Variants in AGMO observed in about 807,000 individuals in gnomAD.
AGMO encodes the protein alkylglycerol monooxygenase, also known as glyceryl-ether monooxygenase.
In AGMO, 75 loss-of-function variants were observed where a neutral mutation model predicts 60.2. The observed-to-expected ratio is 1.25, with a 90% CI of 1.03 to 1.51. AGMO has a LOEUF of 1.51. Among genes scored for constraint, AGMO ranks in the 40% most tolerant of loss-of-function variants. The probability of loss-of-function intolerance (pLI) is 0.00; values close to 1 mark genes in which losing one functional copy is unlikely to be tolerated. For synonymous variants in AGMO, 261 were observed against 177.1 expected, an observed-to-expected ratio of 1.47 and a Z score of -3.76; for missense variants, 763 against 525.5, an observed-to-expected ratio of 1.45 and a Z score of -4.42.
At chr7:15,241,316 C>T (rs1045588068) in intron 12 of AGMO, among the ~76,000 whole-genome samples, 9 of 150,976 alleles carry the variant, frequency 6.0e-5, no homozygotes, top group African/African-American at 9.7e-5. Context: ...AAAAATTAGC[C>T]GGGCGTGGTG....
the AGMO span, among the ~76,000 whole-genome samples, chr7:15,132,710 G>C: frequency 1.3e-5 from 2 of 152,320 alleles, no homozygotes; most frequent in East Asian, 1.9e-4. Flanking sequence ...GCTGAAAATA[G>C]AATGTGAATC....
At chr7:15,367,088 C>T (rs1169784064) in intron 10 of AGMO, among the ~76,000 whole-genome samples, 4 of 151,856 alleles carry the variant, frequency 2.6e-5, no homozygotes, top group Non-Finnish European at 4.4e-5. Flanking sequence ...GAAAAATGAA[C>T]CATTTACAGT....
chr7:15,353,472 G>C (rs945731307), intron 12 of AGMO, among the ~76,000 whole-genome samples: 6 of 152,034 alleles, frequency 3.9e-5, no homozygotes, highest in African/African-American at 1.2e-4. Flanking sequence ...ATCTACTCTT[G>C]GGGGGAATCC....
At chr7:15,491,994 AAGAT>A (rs1340181747) in intron 3 of AGMO, among the ~76,000 whole-genome samples, 1 of 152,184 alleles carries the variant, frequency 6.6e-6, no homozygotes, top group African/African-American at 2.4e-5. Context: ...TTGAAAGTAA[AAGAT>A]AGTGAAAGCC....
intron 3 of AGMO, among the ~76,000 whole-genome samples, chr7:15,508,193 G>T (rs1239439849): frequency 6.6e-6 from 1 of 152,040 alleles, no homozygotes; most frequent in Non-Finnish European, 1.5e-5. Flanking sequence ...AATGAATATT[G>T]TTTAAAATAA....
intron 3 of AGMO, among the ~76,000 whole-genome samples, chr7:15,474,385 G>A (rs944338196): frequency 6.6e-6 from 1 of 152,090 alleles, no homozygotes; most frequent in Non-Finnish European, 1.5e-5. Context: ...AGAGGCCTCA[G>A]AAATAACACC....
At chr7:15,337,041 T>C (rs1781687114) in intron 12 of AGMO, among the ~76,000 whole-genome samples, 1 of 152,324 alleles carries the variant, frequency 6.6e-6, no homozygotes, top group East Asian at 1.9e-4. Flanking sequence ...AATATCATCA[T>C]ATGCCATCAA....
chr7:15,543,674 G>C (rs1399293873), intron 3 of AGMO, among the ~76,000 whole-genome samples: 2 of 151,932 alleles, frequency 1.3e-5, no homozygotes, highest in Non-Finnish European at 2.9e-5. Flanking sequence ...ACTCTATCAA[G>C]CATATCATAA....
intron 12 of AGMO, among the ~76,000 whole-genome samples, chr7:15,218,327 A>ATGTATGTGTG (rs1554396501): frequency 2.1e-5 from 3 of 143,930 alleles, no homozygotes; most frequent in Non-Finnish European, 3.0e-5. Flanking sequence ...TGGTGTGTGT[A>ATGTATGTGTG]TGTGTGTGTG....
intron 12 of AGMO, among the ~76,000 whole-genome samples, chr7:15,236,668 A>T (rs1377442009): frequency 6.6e-6 from 1 of 152,132 alleles, no homozygotes; most frequent in East Asian, 1.9e-4. Context: ...GATGAGTAAG[A>T]TATATGTTGA....
rs1371014329 is a variant in AGMO at position 15,394,145 on chromosome 7, A to C, written c.644T>G (p.Leu215Arg). The C allele has an allele frequency of 1.9e-6, 3 of 1,612,546 alleles. No homozygotes were observed. The highest frequency in any genetic ancestry group is 2.5e-6 in the Non-Finnish European group (3 of 1,178,870). Residue 215 changes from leucine to arginine, a missense_variant, in exon 6 of 13, where the codon CTT becomes CGT. Transcript: ENST00000342526. ...INNLGPLELILNTPSHHRVHH... is the reference protein window; with the variant it reads ...INNLGPLELIRNTPSHHRVHH... Reference sequence around the variant, plus strand: ...AACCCTATGATGGCTAGGAGTATTAAGAATCAGTTCCAAAGGACCAAGGTT... The same window carrying C: ...AACCCTATGATGGCTAGGAGTATTACGAATCAGTTCCAAAGGACCAAGGTT...
At chr7:15,250,967 T>C (rs1782916373) in intron 12 of AGMO, among the ~76,000 whole-genome samples, 1 of 151,820 alleles carries the variant, frequency 6.6e-6, no homozygotes, top group African/African-American at 2.4e-5. Context: ...TATATATATA[T>C]ACCTGAATGT....
intron 3 of AGMO, among the ~76,000 whole-genome samples, chr7:15,511,467 G>C (rs563482653): frequency 1.3e-5 from 2 of 152,210 alleles, no homozygotes; most frequent in South Asian, 4.1e-4. Context: ...AGGATAGAGT[G>C]GTGGTTATTA....
chr7:15,210,939 T>A (rs1178637523), intron 12 of AGMO, among the ~76,000 whole-genome samples: 1 of 152,038 alleles, frequency 6.6e-6, no homozygotes, highest in Non-Finnish European at 1.5e-5. Flanking sequence ...ATTCAAAAAC[T>A]TAAAGCTATT....
intron 12 of AGMO, chr7:15,306,344 C>A: frequency 7.9e-6 from 2 of 252,010 alleles, no homozygotes; most frequent in South Asian, 3.8e-5. Flanking sequence ...TCCAGGGTAA[C>A]TTCATTCATG....
chr7:15,236,219 C>T (rs1377347191), intron 12 of AGMO, among the ~76,000 whole-genome samples: 1 of 152,020 alleles, frequency 6.6e-6, no homozygotes. Context: ...AAATTTCTAT[C>T]AGTTTGGGGT....
Position 15,387,499 on chromosome 7 carries a change from T to A in AGMO, c.864A>T (p.Thr288=), listed in dbSNP as rs1246417136. ...LFSIWTTFWA[T]PGFFNKFSVI... is the part of the protein sequence containing the mutation. The stretch of plus-strand genomic sequence containing the variant: ...CAGAAAACTTATTGAAGAATCCAGG[T>A]GTGGCCCAGAATGTAGTCCATATGG... Residue 288 remains threonine, a synonymous_variant, in exon 9 of 13, where the codon ACA becomes ACT. Transcript: ENST00000342526. 6.2e-7 allele frequency: 1 copy of A among 1,613,968 alleles called. No individual in the cohort carries two copies. Among genetic ancestry groups the A allele is most frequent in the Non-Finnish European group, 8.5e-7 (1 of 1,179,914 alleles).
chr7:15,420,561 A>C (rs1780897246), intron 4 of AGMO, among the ~76,000 whole-genome samples: 2 of 152,258 alleles, frequency 1.3e-5, no homozygotes, highest in Middle Eastern at 3.4e-3. Context: ...CTAATGACAC[A>C]ATCAAGGTTC....
chr7:15,382,663 A>T (rs1783739048), intron 10 of AGMO, among the ~76,000 whole-genome samples: 1 of 152,240 alleles, frequency 6.6e-6, no homozygotes, highest in South Asian at 2.1e-4. Context: ...CAAAGGAATT[A>T]GAGAAGCCCT....
Sources: gnomAD v4.1 joint callset for allele counts (sites outside exome capture counted in the v4.1 genomes callset) on GRCh38, gnomAD v4.1.1 for gene constraint, MANE v1.5 for transcripts, NCBI Gene and HGNC (gene_info 2026-07-23, HGNC 2026-07-21) for gene names.